PKP4: variants seen among roughly 807,000 people sequenced by gnomAD.
The protein encoded by PKP4 is plakophilin-4.
Under a neutral mutation model 145.1 loss-of-function variants are expected in PKP4, and 90 were observed. The observed-to-expected ratio is 0.62, with a 90% CI of 0.52 to 0.74. The LOEUF (loss-of-function observed/expected upper bound fraction) is 0.74, where lower values mean the gene tolerates loss of function less well. Ranked by LOEUF, PKP4 falls within the 30% of genes least tolerant of loss-of-function variation. The pLI, the probability that PKP4 is intolerant of heterozygous loss-of-function variation, is 0.00. For synonymous variants in PKP4, 563 were observed against 577.2 expected, an observed-to-expected ratio of 0.98 and a Z score of 0.35; for missense variants, 1,340 against 1,482.7, an observed-to-expected ratio of 0.90 and a Z score of 1.58.
At chr2:158,527,209 A>G (rs10469792) in intron 1 of PKP4, among the ~76,000 whole-genome samples, 102,618 of 119,114 alleles carry the variant, frequency 0.86, 44,821 homozygotes, top group Middle Eastern at 0.92. Flanking sequence ...CAAAGCTGGA[A>G]GCATCACACT....
In PKP4 at chr2:158,504,729, A is replaced by G. The variant is rs553397275; in HGVS notation, c.-5-28451A>G. ...CTGGAATATAAATGTATCGCAAATC[A>G]GATACTACTTTTATATCCTTCTTGC... On this transcript the variant is annotated intron_variant, in intron 1 of 21. Transcript: ENST00000389759. Among the ~76,000 whole-genome samples the G allele has an allele frequency of 2.0e-5, 3 of 152,344 alleles. No individual in the cohort carries two copies. The South Asian group carries it at 6.2e-4, about 32-fold the overall frequency.
In PKP4 at chr2:158,596,985, A is replaced by T. The variant is rs1469210812; in HGVS notation, c.246-6085A>T. On this transcript the variant is annotated intron_variant, in intron 3 of 21. Transcript: ENST00000389759. ...TGACCTTCTTTTCATAGATGAGTAT[A>T]AGGAGAGTTAGGTCTTTGTTTTTGT... Among the ~76,000 whole-genome samples, 6 of 152,200 alleles carry T rather than the reference A, an allele frequency of 3.9e-5. No homozygotes were observed. In the East Asian group the frequency reaches 1.2e-3, roughly 29 times the overall value.
intron 20 of PKP4, chr2:158,677,154 C>T: frequency 2.5e-6 from 1 of 402,628 alleles, no homozygotes; most frequent in Non-Finnish European, 4.8e-6. Flanking sequence ...CTCACTGGCA[C>T]AGTCCCTTTG....
At chr2:158,569,311 T>A (rs985418241) in intron 2 of PKP4, among the ~76,000 whole-genome samples, 3 of 152,230 alleles carry the variant, frequency 2.0e-5, no homozygotes, top group Non-Finnish European at 4.4e-5. Context: ...ATTGTTCATC[T>A]CCTATTAGAA....
chr2:158,586,551 A>G (rs1001126974), intron 3 of PKP4, among the ~76,000 whole-genome samples: 1 of 152,240 alleles, frequency 6.6e-6, no homozygotes. Context: ...ATATCTGAAT[A>G]TAATTACCGG....
chr2:158,658,511 T>G (rs2056215854), intron 12 of PKP4, 197 bp downstream of exon 12: 1 of 481,374 alleles, frequency 2.1e-6, no homozygotes, highest in Non-Finnish European at 3.6e-6. Context: ...GAAGTTATCT[T>G]GTAAATGACT....
intron 1 of PKP4, among the ~76,000 whole-genome samples, chr2:158,476,288 T>C (rs961082234): frequency 6.6e-6 from 1 of 152,194 alleles, no homozygotes; most frequent in African/African-American, 2.4e-5. Flanking sequence ...TATGATTCCT[T>C]TCCTGCACTT....
chr2:158,477,419 T>A (rs1303234045), intron 1 of PKP4, among the ~76,000 whole-genome samples: 1 of 152,192 alleles, frequency 6.6e-6, no homozygotes, highest in Non-Finnish European at 1.5e-5. Context: ...CCAACTCAGC[T>A]GGAGGTGTGC....
At chr2:158,537,695 C>T (rs1322395096) in intron 2 of PKP4, among the ~76,000 whole-genome samples, 2 of 152,114 alleles carry the variant, frequency 1.3e-5, no homozygotes, top group African/African-American at 2.4e-5. Flanking sequence ...AAACTTGATA[C>T]TGGTTAGTGC....
chr2:158,520,072 A>T (rs1343880236), intron 1 of PKP4, among the ~76,000 whole-genome samples: 3 of 152,158 alleles, frequency 2.0e-5, no homozygotes, highest in Non-Finnish European at 2.9e-5. Context: ...TATTTTGGGG[A>T]AATGTTGAAA....
At chr2:158,533,757 T>G (rs1025703207) in intron 2 of PKP4, among the ~76,000 whole-genome samples, 2 of 152,198 alleles carry the variant, frequency 1.3e-5, no homozygotes, top group Admixed American at 6.5e-5. Flanking sequence ...ATTTGTGTGT[T>G]TGTCTAAATT....
At chr2:158,608,395 A>C (rs1208503943) in intron 4 of PKP4, among the ~76,000 whole-genome samples, 1 of 152,192 alleles carries the variant, frequency 6.6e-6, no homozygotes, top group Admixed American at 6.5e-5. Context: ...ATGTTGTCCA[A>C]ATAGCTCCTC....
intron 21 of PKP4, 178 bp downstream of exon 21, chr2:158,678,832 C>T (rs375242250): frequency 3.2e-6 from 2 of 625,542 alleles, no homozygotes; most frequent in African/African-American, 3.7e-5. Flanking sequence ...CCACGGTAGC[C>T]TCACGTTCTT....
intron 4 of PKP4, among the ~76,000 whole-genome samples, chr2:158,610,665 T>C (rs2051062536): frequency 6.6e-6 from 1 of 152,146 alleles, no homozygotes; most frequent in South Asian, 2.1e-4. Flanking sequence ...GGTCCCCCAG[T>C]CACATTCCAT....
intron 17 of PKP4, among the ~76,000 whole-genome samples, chr2:158,671,701 C>G (rs946395207): frequency 1.3e-5 from 2 of 152,342 alleles, no homozygotes; most frequent in South Asian, 4.1e-4. Context: ...CATGACAGCC[C>G]CACCCGAGGT....
chr2:158,507,358 G>A (rs1249344699), intron 1 of PKP4, among the ~76,000 whole-genome samples: 3 of 152,206 alleles, frequency 2.0e-5, no homozygotes, highest in Non-Finnish European at 4.4e-5. Context: ...TTCAGTAGCT[G>A]CCCATGGCAG....
At chr2:158,608,536 A>T (rs1345614884) in intron 4 of PKP4, among the ~76,000 whole-genome samples, 1 of 152,154 alleles carries the variant, frequency 6.6e-6, no homozygotes, top group Non-Finnish European at 1.5e-5. Context: ...ACTCTTGCCT[A>T]AAACTCATAT....
chr2:158,577,270 G>A lies in PKP4; in HGVS notation c.133-1G>A. On this transcript the variant is annotated splice_acceptor_variant, in intron 2 of 21. Coordinates refer to ENST00000389759, the MANE Select transcript of PKP4 (RefSeq NM_003628.6). LOFTEE classifies it high-confidence loss of function. Reference sequence around the variant, plus strand: ...ATGCCTTTTATTTTCTTGAATCACAGGAGCTTCAGTTTCAGCGACTCACCC... The same window carrying A: ...ATGCCTTTTATTTTCTTGAATCACAAGAGCTTCAGTTTCAGCGACTCACCC... 1 of 1,607,016 alleles carries A rather than the reference G, an allele frequency of 6.2e-7. No individual in the cohort carries two copies. Among genetic ancestry groups the A allele is most frequent in the Non-Finnish European group, 8.5e-7 (1 of 1,175,090 alleles).
chr2:158,527,265 A>G (rs1000896752), intron 1 of PKP4, among the ~76,000 whole-genome samples: 1 of 146,586 alleles, frequency 6.8e-6, no homozygotes, highest in Non-Finnish European at 1.5e-5. Flanking sequence ...CCCAAACAGC[A>G]TGGTACTGGT....
Sources: gnomAD v4.1 joint callset for allele counts (sites outside exome capture counted in the v4.1 genomes callset) on GRCh38, gnomAD v4.1.1 for gene constraint, MANE v1.5 for transcripts, NCBI Gene and HGNC (gene_info 2026-07-23, HGNC 2026-07-21) for gene names.